TFB1M: variants seen among roughly 807,000 people sequenced by gnomAD.
The protein encoded by TFB1M is transcription factor B1, mitochondrial, also known as dimethyladenosine transferase 1, mitochondrial.
In TFB1M, 27 loss-of-function variants were observed where a neutral mutation model predicts 31.1. The observed-to-expected ratio is 0.87, with a 90% CI of 0.64 to 1.20. TFB1M has a LOEUF of 1.20. Among genes scored for constraint, TFB1M ranks in the 50% most tolerant of loss-of-function variants. The pLI is 0.00. For missense variants in TFB1M, 394 were observed against 418.7 expected, an observed-to-expected ratio of 0.94 and a Z score of 0.51; for synonymous variants, 166 against 151.8, an observed-to-expected ratio of 1.09 and a Z score of -0.69.
chr6:155,270,701 G>A (rs150338011), intron 5 of TFB1M, among the ~76,000 whole-genome samples: 1 of 152,200 alleles, frequency 6.6e-6, no homozygotes, highest in East Asian at 1.9e-4. Context: ...GGGAGCAGCC[G>A]GGTCCCTCCA....
chr6:155,290,033 C>T (rs775983484), intron 4 of TFB1M, among the ~76,000 whole-genome samples: 3 of 152,186 alleles, frequency 2.0e-5, no homozygotes, highest in Non-Finnish European at 2.9e-5. Flanking sequence ...GCCAATTAAA[C>T]CTTTTTTTTA....
intron 5 of TFB1M, among the ~76,000 whole-genome samples, chr6:155,271,058 T>C (rs1372065796): frequency 1.3e-5 from 2 of 152,170 alleles, no homozygotes; most frequent in Admixed American, 6.5e-5. Context: ...TCTTGCTCAA[T>C]GCAAAACTTA....
chr6:155,293,098 A>G (rs903540692), intron 4 of TFB1M, among the ~76,000 whole-genome samples: 9 of 152,136 alleles, frequency 5.9e-5, no homozygotes, highest in East Asian at 1.9e-4. Flanking sequence ...TTAGCCTCCC[A>G]AAGTGTTGAG....
chr6:155,295,558 G>C (rs1042704812), intron 4 of TFB1M, among the ~76,000 whole-genome samples: 1 of 152,092 alleles, frequency 6.6e-6, no homozygotes, highest in African/African-American at 2.4e-5. Flanking sequence ...ACCCATGTTG[G>C]GGGTGGGGAT....
chr6:155,247,889 T>C, the TFB1M span: 1 of 1,340,014 alleles, frequency 7.5e-7, no homozygotes, highest in Non-Finnish European at 1.0e-6. Flanking sequence ...CATTAAAGAA[T>C]GGCATTAGGA....
intron 4 of TFB1M, among the ~76,000 whole-genome samples, chr6:155,285,919 TC>T (rs1446078301): frequency 6.6e-6 from 1 of 152,146 alleles, no homozygotes; most frequent in Non-Finnish European, 1.5e-5. Context: ...AAAATTAATT[TC>T]CATATGTATT....
chr6:155,250,903 T>C, the TFB1M span: 2 of 1,613,718 alleles, frequency 1.2e-6, no homozygotes, highest in Middle Eastern at 1.7e-4. Context: ...CTCCTGTTTT[T>C]ACAATCTAGG....
chr6:155,254,289 C>CACT, downstream of TFB1M: 3 of 1,238,140 alleles, frequency 2.4e-6, no homozygotes, highest in Non-Finnish European at 3.4e-6. Context: ...GGCCACATGG[C>CACT]ACTGCTGCTG....
intron 5 of TFB1M, among the ~76,000 whole-genome samples, chr6:155,282,063 T>C (rs324349): frequency 0.57 from 86,272 of 152,054 alleles, 25,232 homozygotes; most frequent in East Asian, 0.84. Flanking sequence ...GTCTTGTAAA[T>C]GTAAATAATT....
At chr6:155,261,827 C>T (rs984357400) in intron 5 of TFB1M, among the ~76,000 whole-genome samples, 3 of 152,292 alleles carry the variant, frequency 2.0e-5, no homozygotes, top group Middle Eastern at 3.4e-3. Flanking sequence ...CCTTTCCACA[C>T]CCCAAATGCC....
chr6:155,258,190 C>T, intron 6 of TFB1M, 108 bp from the exon 7 acceptor site: 2 of 1,353,480 alleles, frequency 1.5e-6, no homozygotes, highest in Non-Finnish European at 2.1e-6. Context: ...TTGCTGGCTA[C>T]TGACAGCTGG....
intron 5 of TFB1M, among the ~76,000 whole-genome samples, chr6:155,269,319 CTTTTCTTT>C (rs1784815334): frequency 1.0e-5 from 1 of 98,030 alleles, no homozygotes; most frequent in Admixed American, 1.2e-4. Flanking sequence ...CTTTTCTTTT[CTTTTCTTT>C]TTTTTTTTTT....
At chr6:155,251,520 C>T (rs1163386785), downstream of TFB1M, among the ~76,000 whole-genome samples, 1 of 152,178 alleles carries the variant, frequency 6.6e-6, no homozygotes, top group African/African-American at 2.4e-5. Flanking sequence ...CTCCTGACCT[C>T]AGGTGATCCA....
chr6:155,297,806 G>T (rs1420784319), intron 3 of TFB1M, among the ~76,000 whole-genome samples: 1 of 152,210 alleles, frequency 6.6e-6, no homozygotes, highest in Non-Finnish European at 1.5e-5. Flanking sequence ...GTTCCAGTGT[G>T]GCTGGGCTGG....
At chr6:155,240,477 A>G in the TFB1M span, 11 of 1,537,274 alleles carry the variant, frequency 7.2e-6, no homozygotes, top group Non-Finnish European at 9.7e-6. Flanking sequence ...GGGGCAGCGG[A>G]TACTATCAGG....
At chr6:155,306,021 AAAAAGT>A (rs1255007525) in intron 2 of TFB1M, among the ~76,000 whole-genome samples, 1 of 151,894 alleles carries the variant, frequency 6.6e-6, no homozygotes, top group African/African-American at 2.4e-5. Flanking sequence ...AATAAGACAA[AAAAAGT>A]AAAAGTACTA....
At chr6:155,267,920 G>A (rs992556243) in intron 5 of TFB1M, among the ~76,000 whole-genome samples, 1 of 152,150 alleles carries the variant, frequency 6.6e-6, no homozygotes, top group South Asian at 2.1e-4. Flanking sequence ...TTATAGTTTA[G>A]TCTACTGTTA....
chr6:155,279,213 C>T (rs1583336147), intron 5 of TFB1M, among the ~76,000 whole-genome samples: 1 of 147,764 alleles, frequency 6.8e-6, no homozygotes, highest in East Asian at 2.0e-4. Context: ...AAATATCATA[C>T]TTTTTTTTTT....
At chr6:155,297,818 G>A (rs901667235) in intron 3 of TFB1M, among the ~76,000 whole-genome samples, 1 of 152,204 alleles carries the variant, frequency 6.6e-6, no homozygotes, top group African/African-American at 2.4e-5. Flanking sequence ...CTGGGCTGGG[G>A]CAGAAACCTG....
Sources: allele counts gnomAD v4.1 joint callset (sites outside exome capture counted in the v4.1 genomes callset), GRCh38; gene constraint gnomAD v4.1.1; transcripts MANE v1.5; gene names NCBI Gene and HGNC (gene_info 2026-07-23, HGNC 2026-07-21).